NCKAP5: variants seen among roughly 807,000 people sequenced by gnomAD.
NCKAP5 encodes the protein nck-associated protein 5.
Under a neutral mutation model 167.0 loss-of-function variants are expected in NCKAP5, and 92 were observed. The observed-to-expected ratio is 0.55, with a 90% confidence interval of 0.47 to 0.66. The LOEUF is 0.66. Among genes scored for constraint, NCKAP5 ranks in the 30% least tolerant of loss-of-function variants. NCKAP5 has a pLI of 0.00. For synonymous variants in NCKAP5, 891 were observed against 877.4 expected, an observed-to-expected ratio of 1.02 and a Z score of -0.27; for missense variants, 2,378 against 2,315.0, an observed-to-expected ratio of 1.03 and a Z score of -0.56.
the NCKAP5 span, among the ~76,000 whole-genome samples, chr2:133,647,997 G>C: frequency 6.6e-6 from 1 of 152,026 alleles, no homozygotes; most frequent in African/African-American, 2.4e-5. Context: ...ATAAGAAATT[G>C]ATTTAAATTT....
intron 3 of NCKAP5, among the ~76,000 whole-genome samples, chr2:133,496,569 A>G (rs1387858530): frequency 6.6e-6 from 1 of 152,198 alleles, no homozygotes; most frequent in East Asian, 1.9e-4. Context: ...ATTGACTAGA[A>G]CTGTGATTCT....
chr2:133,189,430 T>G (rs2085106008), intron 5 of NCKAP5, among the ~76,000 whole-genome samples: 1 of 152,220 alleles, frequency 6.6e-6, no homozygotes, highest in Middle Eastern at 3.4e-3. Context: ...CATAATTCAT[T>G]TTATGAGGCC....
intron 6 of NCKAP5, among the ~76,000 whole-genome samples, chr2:133,020,396 C>T (rs1468307406): frequency 6.6e-6 from 1 of 152,084 alleles, no homozygotes; most frequent in Non-Finnish European, 1.5e-5. Flanking sequence ...ATGAGCAGGA[C>T]CCAGACTAGG....
intron 6 of NCKAP5, among the ~76,000 whole-genome samples, chr2:133,127,639 A>G (rs1433077513): frequency 6.6e-6 from 1 of 152,146 alleles, no homozygotes; most frequent in Admixed American, 6.5e-5. Context: ...CTGCCACCTA[A>G]ATCTATAGCT....
chr2:133,102,637 T>A (rs974931873), intron 6 of NCKAP5, among the ~76,000 whole-genome samples: 6 of 152,130 alleles, frequency 3.9e-5, no homozygotes, highest in Non-Finnish European at 8.8e-5. Flanking sequence ...CTTTGCTACA[T>A]CTCCCTCCAC....
At chr2:132,915,861 CA>C (rs1694828615) in intron 8 of NCKAP5, among the ~76,000 whole-genome samples, 1 of 151,986 alleles carries the variant, frequency 6.6e-6, no homozygotes, top group South Asian at 2.1e-4. Flanking sequence ...ACCCCAGAGG[CA>C]GATGGCTTAG....
At chr2:132,719,498 G>C (rs1689705601) in intron 19 of NCKAP5, among the ~76,000 whole-genome samples, 1 of 152,200 alleles carries the variant, frequency 6.6e-6, no homozygotes, top group Admixed American at 6.5e-5. Context: ...GGACTGTGTG[G>C]GTGATGGACA....
intron 5 of NCKAP5, among the ~76,000 whole-genome samples, chr2:133,210,582 A>C (rs774140766): frequency 2.4e-4 from 37 of 152,332 alleles, no homozygotes; most frequent in Non-Finnish European, 4.4e-4. Context: ...AGCAATAATT[A>C]AATTTAAAGG....
intron 1 of NCKAP5, among the ~76,000 whole-genome samples, chr2:133,567,366 G>A (rs1396384300): frequency 1.3e-5 from 2 of 152,068 alleles, no homozygotes; most frequent in African/African-American, 4.8e-5. Context: ...TCCTGTCCAG[G>A]CTGGCGGCAT....
chr2:132,846,869 T>C (rs1688701000), intron 11 of NCKAP5, among the ~76,000 whole-genome samples: 1 of 152,244 alleles, frequency 6.6e-6, no homozygotes, highest in African/African-American at 2.4e-5. Context: ...GTGGCTTAAC[T>C]AAGGCTCTTT....
chr2:133,063,098 G>T (rs2080066796), intron 6 of NCKAP5, among the ~76,000 whole-genome samples: 1 of 152,130 alleles, frequency 6.6e-6, no homozygotes, highest in African/African-American at 2.4e-5. Flanking sequence ...GAGAAGCAAA[G>T]CAAGGTTGAT....
intron 17 of NCKAP5, among the ~76,000 whole-genome samples, chr2:132,730,796 T>A (rs537702588): frequency 6.6e-6 from 1 of 152,320 alleles, no homozygotes; most frequent in South Asian, 2.1e-4. Flanking sequence ...ATAATATGCA[T>A]TACAGTCTTT....
chr2:132,790,352 T>C (rs1683964046), intron 12 of NCKAP5, 147 bp from the exon 13 acceptor site: 4 of 710,854 alleles, frequency 5.6e-6, no homozygotes, highest in Non-Finnish European at 9.1e-6. Context: ...AACTGGAAAA[T>C]CAGCTGAAAA....
intron 5 of NCKAP5, among the ~76,000 whole-genome samples, chr2:133,213,513 A>AT (rs966512444): frequency 6.6e-5 from 10 of 150,770 alleles, no homozygotes; most frequent in East Asian, 3.9e-4. Flanking sequence ...TTAAAGCCTC[A>AT]TTTTTTTTTC....
intron 3 of NCKAP5, among the ~76,000 whole-genome samples, chr2:133,326,201 A>C (rs536261148): frequency 6.6e-6 from 1 of 152,318 alleles, no homozygotes; most frequent in South Asian, 2.1e-4. Context: ...CAGGCCTGTA[A>C]TCCCAGCACT....
At chr2:133,480,013 C>G (rs1272143271) in intron 3 of NCKAP5, among the ~76,000 whole-genome samples, 5 of 151,416 alleles carry the variant, frequency 3.3e-5, no homozygotes, top group African/African-American at 1.2e-4. Flanking sequence ...CTCACTGCTA[C>G]CTCCACCTCC....
At chr2:132,956,134 GT>G (rs2076335794) in intron 8 of NCKAP5, among the ~76,000 whole-genome samples, 1 of 152,106 alleles carries the variant, frequency 6.6e-6, no homozygotes, top group Non-Finnish European at 1.5e-5. Flanking sequence ...TGATGGATAT[GT>G]TAACTAGCTT....
chr2:133,569,781 G>A (rs1193558395), upstream of NCKAP5, among the ~76,000 whole-genome samples: 9 of 152,116 alleles, frequency 5.9e-5, no homozygotes, highest in Admixed American at 5.9e-4. Context: ...AGGGTCCCAA[G>A]ACCCCAATAT....
At chr2:133,180,825 T>C (rs1235764072) in intron 5 of NCKAP5, among the ~76,000 whole-genome samples, 1 of 152,094 alleles carries the variant, frequency 6.6e-6, no homozygotes, top group Middle Eastern at 3.4e-3. Context: ...AGCAAGCAAA[T>C]GAGGCTATAT....
Sources: allele counts gnomAD v4.1 joint callset (sites outside exome capture counted in the v4.1 genomes callset), GRCh38; gene constraint gnomAD v4.1.1; transcripts MANE v1.5; gene names NCBI Gene and HGNC (gene_info 2026-07-23, HGNC 2026-07-21).